IL1RAPL1: variants seen among roughly 807,000 people sequenced by gnomAD.
IL1RAPL1 encodes interleukin 1 receptor accessory protein like 1, also known as interleukin-1 receptor accessory protein-like 1.
Under a neutral mutation model 48.4 loss-of-function variants are expected in IL1RAPL1, and 3 were observed. The observed-to-expected ratio is 0.06, with a 90% CI of 0.03 to 0.16. The LOEUF is 0.16. IL1RAPL1 is among the 10% of genes least tolerant of loss of function. IL1RAPL1 has a pLI of 1.00. For missense variants in IL1RAPL1, 349 were observed against 530.6 expected (o/e 0.66, Z 3.36); for synonymous variants, 185 against 187.7 (o/e 0.99, Z 0.12).
intron 6 of IL1RAPL1, among the ~76,000 whole-genome samples, chrX:29,915,029 C>T (rs1400273340): frequency 9.2e-6 from 1 of 108,334 alleles, no homozygotes. Flanking sequence ...GACGTGGTGG[C>T]TCACGCCTGT....
At chrX:28,759,245 A>AT (rs2147249954) in intron 1 of IL1RAPL1, among the ~76,000 whole-genome samples, 1 of 109,843 alleles carries the variant, frequency 9.1e-6, no homozygotes, top group African/African-American at 3.3e-5. Context: ...TCTCAAAAAA[A>AT]AAAAATAATA....
chrX:29,347,929 G>T (rs1030320695), intron 3 of IL1RAPL1, among the ~76,000 whole-genome samples: 1 of 111,562 alleles, frequency 9.0e-6, no homozygotes, highest in African/African-American at 3.3e-5. Flanking sequence ...ACTGGACAAA[G>T]GCATGGTTCA....
chrX:29,227,252 A>G (rs1931100447), intron 2 of IL1RAPL1, among the ~76,000 whole-genome samples: 1 of 110,661 alleles, frequency 9.0e-6, no homozygotes, highest in Non-Finnish European at 1.9e-5. Flanking sequence ...ACAATGATTA[A>G]TTAAAACTAA....
intron 3 of IL1RAPL1, among the ~76,000 whole-genome samples, chrX:29,358,127 T>G (rs2147657497): frequency 9.0e-6 from 1 of 111,384 alleles, no homozygotes; most frequent in Admixed American, 9.6e-5. Flanking sequence ...CTAGTTTCTA[T>G]GACTTACCTT....
At chrX:29,660,530 G>A (rs781178425) in intron 5 of IL1RAPL1, among the ~76,000 whole-genome samples, 9 of 111,402 alleles carry the variant, frequency 8.1e-5, no homozygotes, top group African/African-American at 2.3e-4. Flanking sequence ...GTAAAAGATG[G>A]GTATCTACTT....
intron 2 of IL1RAPL1, among the ~76,000 whole-genome samples, chrX:28,900,429 G>A (rs1923043957): frequency 9.0e-6 from 1 of 111,524 alleles, no homozygotes; most frequent in Non-Finnish European, 1.9e-5. Flanking sequence ...TACTCTAACT[G>A]AATAAAAATT....
intron 6 of IL1RAPL1, among the ~76,000 whole-genome samples, chrX:29,724,710 T>C (rs887215309): frequency 1.8e-5 from 2 of 111,939 alleles, no homozygotes; most frequent in Middle Eastern, 4.2e-3. Context: ...AACACATTTC[T>C]TTAATACCTA....
At chrX:29,697,654 T>A (rs1188581534) in intron 6 of IL1RAPL1, among the ~76,000 whole-genome samples, 1 of 112,245 alleles carries the variant, frequency 8.9e-6, no homozygotes, top group Non-Finnish European at 1.9e-5. Context: ...GTATTTAAAG[T>A]CCTCCTTACA....
At position 29,616,105 on chromosome X, in the gene IL1RAPL1, C is replaced by T. The variant is rs763276719; in HGVS notation, c.704-52325C>T. ...AACAGAGACAGGGTCCCAAAAGTAT[C>T]ACTGGATACTGGAGCAGAAAATGAG... On this transcript the variant is annotated intron_variant, in intron 5 of 10. Transcript: ENST00000378993. Among the ~76,000 whole-genome samples the T allele has an allele frequency of 2.7e-5, 3 of 111,960 alleles. No homozygotes were observed. In the East Asian group the frequency reaches 8.4e-4, roughly 31 times the overall value.
chrX:28,860,327 C>CTT (rs1325007380), intron 2 of IL1RAPL1, among the ~76,000 whole-genome samples: 2 of 111,087 alleles, frequency 1.8e-5, no homozygotes, highest in African/African-American at 6.5e-5. Context: ...TAGCTCATTA[C>CTT]TTTGTTTTGA....
At chrX:29,808,530 T>G (rs901830298) in intron 6 of IL1RAPL1, among the ~76,000 whole-genome samples, 1 of 111,618 alleles carries the variant, frequency 9.0e-6, no homozygotes, top group Non-Finnish European at 1.9e-5. Context: ...AATTGTTGGG[T>G]ACATAAGATC....
rs557222499 is a variant in IL1RAPL1 at position 29,942,528 on chromosome X, C to T, written c.1201+734C>T. On this transcript the variant is annotated intron_variant, in intron 9 of 10. Coordinates refer to ENST00000378993, the MANE Select transcript of IL1RAPL1 (RefSeq NM_014271.4). ...TTAGACTTATGTTTTTAAAAAATAA[C>T]AAAAAGGAAAATAAACTAAGATAAA... Among the ~76,000 whole-genome samples, 13 of 110,524 alleles carry T rather than the reference C, an allele frequency of 1.2e-4. No homozygotes were observed. The South Asian group carries it at 4.6e-3, about 39-fold the overall frequency.
At chrX:29,084,816 C>G (rs894834961) in intron 2 of IL1RAPL1, among the ~76,000 whole-genome samples, 4 of 112,193 alleles carry the variant, frequency 3.6e-5, no homozygotes, top group African/African-American at 1.3e-4. Flanking sequence ...CTCAGCCTCC[C>G]GAGTAGCTGG....
At chrX:28,634,984 T>TTACTC (rs3078981) in intron 1 of IL1RAPL1, among the ~76,000 whole-genome samples, 172 of 110,264 alleles carry the variant, frequency 1.6e-3, no homozygotes, top group African/African-American at 5.2e-3. Context: ...TATGAACTCT[T>TTACTC]TGCACTATCT....
At position 29,234,594 on chromosome X, in the gene IL1RAPL1, A is replaced by G. The variant is rs972300794; in HGVS notation, c.83-48344A>G. Among the ~76,000 whole-genome samples, 3 of 112,158 alleles carry G rather than the reference A, an allele frequency of 2.7e-5. No homozygotes were observed. In the East Asian group the frequency reaches 8.4e-4, roughly 31 times the overall value. On this transcript the variant is annotated intron_variant, in intron 2 of 10. Transcript: ENST00000378993. ...ATGAATAAATATCATCTGTCCTCCT[A>G]CACATACATCAAAACCTTTGCTGGT... is the stretch of plus-strand genomic sequence containing the variant.
intron 2 of IL1RAPL1, among the ~76,000 whole-genome samples, chrX:29,240,195 C>CACATATAT (rs1555979978): frequency 1.5e-4 from 4 of 27,228 alleles, no homozygotes; most frequent in African/African-American, 8.3e-4. Flanking sequence ...CACACACACA[C>CACATATAT]ATATATATAT....
chrX:28,624,704 A>C (rs1247396017), intron 1 of IL1RAPL1, among the ~76,000 whole-genome samples: 1 of 111,737 alleles, frequency 8.9e-6, no homozygotes, highest in African/African-American at 3.2e-5. Flanking sequence ...GGAATCTATA[A>C]TCTGCAACAC....
chrX:28,712,176 C>T (rs1388382222), intron 1 of IL1RAPL1, among the ~76,000 whole-genome samples: 1 of 110,778 alleles, frequency 9.0e-6, no homozygotes, highest in East Asian at 2.8e-4. Flanking sequence ...TTGAGGGCCA[C>T]AGTCATGGGT....
At chrX:29,694,722 G>A (rs987913094) in intron 6 of IL1RAPL1, among the ~76,000 whole-genome samples, 1 of 111,521 alleles carries the variant, frequency 9.0e-6, no homozygotes, top group Non-Finnish European at 1.9e-5. Flanking sequence ...TTTTATAAGG[G>A]AATTAATTGC....
Sources: allele counts gnomAD v4.1 joint callset (sites outside exome capture counted in the v4.1 genomes callset), GRCh38; gene constraint gnomAD v4.1.1; transcripts MANE v1.5; gene names NCBI Gene and HGNC (gene_info 2026-07-23, HGNC 2026-07-21).